The following VWA8 variants were observed in gnomAD, a reference collection of about 807,000 sequenced individuals.
VWA8 encodes von Willebrand factor A domain-containing protein 8.
Under a neutral mutation model 241.5 loss-of-function variants are expected in VWA8, and 221 were observed. The observed-to-expected ratio is 0.91, with a 90% CI of 0.82 to 1.02. VWA8 has a LOEUF of 1.02. VWA8 is among the 50% of genes least tolerant of loss of function. The probability of loss-of-function intolerance (pLI) is 0.00; values close to 1 mark genes in which losing one functional copy is unlikely to be tolerated. For missense variants in VWA8, 2,322 were observed against 2,328.7 expected (o/e 1.00, Z 0.06); for synonymous variants, 852 against 827.1 (o/e 1.03, Z -0.52).
intron 14 of VWA8, 60 bp downstream of exon 14, chr13:41,830,469 A>C (rs553526825): frequency 7.3e-7 from 1 of 1,377,992 alleles, no homozygotes; most frequent in Admixed American, 1.9e-5. Flanking sequence ...AAAAATCATA[A>C]AAAGTATTAT....
At chr13:41,876,372 AC>A (rs992893912) in intron 9 of VWA8, among the ~76,000 whole-genome samples, 2 of 151,114 alleles carry the variant, frequency 1.3e-5, no homozygotes, top group Non-Finnish European at 3.0e-5. Context: ...TCTCCTAATC[AC>A]CTCTCCTTCA....
chr13:41,872,724 T>C (rs1377763458), intron 9 of VWA8, among the ~76,000 whole-genome samples: 2 of 152,108 alleles, frequency 1.3e-5, no homozygotes, highest in East Asian at 3.9e-4. Context: ...GTAGTATAGT[T>C]TGAAGTCAGG....
intron 37 of VWA8, among the ~76,000 whole-genome samples, chr13:41,630,652 C>T (rs534918062): frequency 1.1e-4 from 16 of 151,892 alleles, no homozygotes; most frequent in South Asian, 4.2e-4. Context: ...GACCTTCTTC[C>T]GTAAGTGCTA....
chr13:41,608,409 C>T (rs1566385777), intron 39 of VWA8, among the ~76,000 whole-genome samples: 1 of 152,202 alleles, frequency 6.6e-6, no homozygotes, highest in Non-Finnish European at 1.5e-5. Context: ...TAGCTGGAAA[C>T]ATATCTTTCT....
In VWA8 at chr13:41,960,841, AC is replaced by A; in HGVS notation, c.163+11del. ...GGGGCACCAGGGAGGACAGGGGCGC[AC>A]CCCGAGTTACCTGTGTCGGCCCCCG... On this transcript the variant is annotated intron_variant, in intron 1 of 44. Coordinates refer to ENST00000379310, the MANE Select transcript of VWA8 (RefSeq NM_015058.2). The A allele has an allele frequency of 6.6e-7, 1 of 1,515,540 alleles. No individual in the cohort carries two copies. Among genetic ancestry groups the A allele is most frequent in the African/African-American group, 1.4e-5 (1 of 70,090 alleles). 93.9% of individuals were successfully genotyped at this position (1,515,540 alleles called of 1,614,324 possible). A position where few individuals can be genotyped will look rare whatever the true frequency, so the allele number is the denominator to read the frequency against.
chr13:41,910,959 G>A (rs1159688905), intron 3 of VWA8, among the ~76,000 whole-genome samples: 1 of 151,874 alleles, frequency 6.6e-6, no homozygotes, highest in East Asian at 1.9e-4. Context: ...CCTAAAAAAT[G>A]TCTTCAGAAC....
chr13:41,837,068 GATA>G (rs1413427234), intron 12 of VWA8, among the ~76,000 whole-genome samples: 1 of 146,790 alleles, frequency 6.8e-6, no homozygotes, highest in East Asian at 2.1e-4. Flanking sequence ...TAGATAGATA[GATA>G]GATAGATAGA....
chr13:41,866,683 T>C (rs1055609579), intron 10 of VWA8, among the ~76,000 whole-genome samples: 1 of 152,206 alleles, frequency 6.6e-6, no homozygotes, highest in African/African-American at 2.4e-5. Context: ...TTATAACTTA[T>C]AGTAAAGATA....
chr13:41,702,988 T>C (rs915495594), intron 27 of VWA8, among the ~76,000 whole-genome samples: 1 of 152,180 alleles, frequency 6.6e-6, no homozygotes, highest in Non-Finnish European at 1.5e-5. Context: ...CTGGCAACAA[T>C]GTGTGGCTAA....
Position 41,727,140 on chromosome 13 carries a change from T to C in VWA8, c.2758+54A>G. 8.0e-6 allele frequency: 11 copies of C among 1,371,064 alleles called. No individual in the cohort carries two copies. In the South Asian group the frequency reaches 1.5e-4, roughly 18 times the overall value. The allele number at this position is 1,371,064 out of a possible 1,614,324, so 84.9% of individuals were successfully genotyped here. ...TCAATGACAGCCATTACAGCAGTGT[T>C]ACTAATATTATTATTACTGCTATTG... On this transcript the variant is annotated intron_variant, in intron 24 of 44. Transcript: ENST00000379310.
At chr13:41,706,228 C>G (rs1018146524) in intron 26 of VWA8, among the ~76,000 whole-genome samples, 2 of 152,198 alleles carry the variant, frequency 1.3e-5, no homozygotes, top group African/African-American at 2.4e-5. Context: ...CCAACTCATT[C>G]TAAGTAAGTC....
chr13:41,612,222 T>A (rs1394969263), intron 38 of VWA8, among the ~76,000 whole-genome samples: 1 of 152,098 alleles, frequency 6.6e-6, no homozygotes, highest in East Asian at 1.9e-4. Flanking sequence ...ATAAATACTG[T>A]TTTTTTCTGT....
At chr13:41,960,393 T>C (rs1049364864) in intron 1 of VWA8, among the ~76,000 whole-genome samples, 1 of 152,184 alleles carries the variant, frequency 6.6e-6, no homozygotes, top group African/African-American at 2.4e-5. Flanking sequence ...TATGGGTTCT[T>C]TGGCAAGAAT....
At chr13:41,927,126 C>A in intron 2 of VWA8, 2 of 400,692 alleles carry the variant, frequency 5.0e-6, no homozygotes. Flanking sequence ...GAACAACAGG[C>A]CAAAGCCAAG....
intron 17 of VWA8, among the ~76,000 whole-genome samples, chr13:41,789,473 A>G (rs2137945871): frequency 6.6e-6 from 1 of 152,122 alleles, no homozygotes; most frequent in African/African-American, 2.4e-5. Flanking sequence ...TTTACCAACA[A>G]AAAAAAATTG....
intron 17 of VWA8, among the ~76,000 whole-genome samples, chr13:41,806,158 G>A (rs2137967575): frequency 6.6e-6 from 1 of 151,926 alleles, no homozygotes; most frequent in East Asian, 1.9e-4. Flanking sequence ...AAGAAATTAA[G>A]AAGAAAACTG....
At chr13:41,632,636 T>C (rs9594599) in intron 37 of VWA8, among the ~76,000 whole-genome samples, 11,385 of 152,184 alleles carry the variant, frequency 0.075, 857 homozygotes, top group African/African-American at 0.2. Flanking sequence ...TACTGTTACC[T>C]ATCATTTCTT....
intron 17 of VWA8, among the ~76,000 whole-genome samples, chr13:41,804,500 A>T (rs1038604126): frequency 3.1e-4 from 47 of 152,152 alleles, no homozygotes; most frequent in Non-Finnish European, 8.8e-5. Flanking sequence ...TTGTCCTACA[A>T]GGGAAAAAAA....
At chr13:41,732,838 G>A (rs2045495540) in intron 21 of VWA8, among the ~76,000 whole-genome samples, 1 of 152,206 alleles carries the variant, frequency 6.6e-6, no homozygotes, top group Non-Finnish European at 1.5e-5. Flanking sequence ...ATGATGAGAT[G>A]TAACATTCAC....
Sources: allele counts gnomAD v4.1 joint callset (sites outside exome capture counted in the v4.1 genomes callset), GRCh38; gene constraint gnomAD v4.1.1; transcripts MANE v1.5; gene names NCBI Gene and HGNC (gene_info 2026-07-23, HGNC 2026-07-21).